SLC35F4: variants seen among roughly 807,000 people sequenced by gnomAD.
SLC35F4 encodes chromosome 14 open reading frame 36.
Under a neutral mutation model 44.2 loss-of-function variants are expected in SLC35F4, and 24 were observed. The observed-to-expected ratio is 0.54, with a 90% CI of 0.39 to 0.76. SLC35F4 has a LOEUF of 0.76. Ranked by LOEUF, SLC35F4 falls within the 30% of genes least tolerant of loss-of-function variation. The pLI, the probability that SLC35F4 is intolerant of heterozygous loss-of-function variation, is 0.00. For missense variants in SLC35F4, 562 were observed against 586.1 expected (o/e 0.96, Z 0.42); for synonymous variants, 238 against 223.6 (o/e 1.06, Z -0.57).
At chr14:57,686,758 GTGGATCCCAACATAATTT>G (rs890747613) in intron 1 of SLC35F4, among the ~76,000 whole-genome samples, 9 of 152,204 alleles carry the variant, frequency 5.9e-5, no homozygotes, top group African/African-American at 2.2e-4. Context: ...ATGTTAAAAT[GTGGATCCCAACATAATTT>G]TTAAAGGATT....
intron 6 of SLC35F4, among the ~76,000 whole-genome samples, chr14:57,568,452 T>G (rs192359702): frequency 1.3e-5 from 2 of 152,316 alleles, no homozygotes; most frequent in African/African-American, 4.8e-5. Flanking sequence ...CTAGGTGCTT[T>G]TAATGAGGAT....
chr14:57,635,874 G>A (rs2072996936), intron 1 of SLC35F4, among the ~76,000 whole-genome samples: 1 of 152,116 alleles, frequency 6.6e-6, no homozygotes, highest in South Asian at 2.1e-4. Context: ...CAACACATAT[G>A]GCACCTAAAA....
chr14:57,666,338 T>C (rs1244959033), intron 1 of SLC35F4, among the ~76,000 whole-genome samples: 1 of 152,182 alleles, frequency 6.6e-6, no homozygotes, highest in East Asian at 1.9e-4. Flanking sequence ...TCATGTAGAC[T>C]TCACTGTAGG....
chr14:57,790,141 C>A (rs191342774), intron 1 of SLC35F4, among the ~76,000 whole-genome samples: 33 of 152,200 alleles, frequency 2.2e-4, no homozygotes, highest in African/African-American at 7.5e-4. Flanking sequence ...GAAGTTCTGG[C>A]CAGGGCAATC....
chr14:57,747,195 T>C (rs1056726508), intron 1 of SLC35F4, among the ~76,000 whole-genome samples: 4 of 152,166 alleles, frequency 2.6e-5, no homozygotes, highest in Non-Finnish European at 5.9e-5. Context: ...GCTGTTATGA[T>C]ACACGCAAAT....
intron 1 of SLC35F4, among the ~76,000 whole-genome samples, chr14:57,919,271 A>T (rs549912360): frequency 1.3e-5 from 2 of 152,250 alleles, no homozygotes; most frequent in Non-Finnish European, 2.9e-5. Flanking sequence ...TATTTATTAT[A>T]GCAGCCCTAA....
At chr14:57,938,749 G>A (rs766255371) in intron 1 of SLC35F4, among the ~76,000 whole-genome samples, 13 of 152,138 alleles carry the variant, frequency 8.5e-5, no homozygotes, top group Non-Finnish European at 1.3e-4. Flanking sequence ...CTGTGGCTGC[G>A]GCTACTGCTA....
chr14:57,920,342 A>G (rs905156777), intron 1 of SLC35F4, among the ~76,000 whole-genome samples: 2 of 152,182 alleles, frequency 1.3e-5, no homozygotes, highest in East Asian at 1.9e-4. Flanking sequence ...TGAGAAGTCA[A>G]CGCAGGAGGA....
intron 1 of SLC35F4, among the ~76,000 whole-genome samples, chr14:57,697,701 A>T: frequency 4.2e-3 from 1 of 238 alleles, no homozygotes; most frequent in East Asian, 0.019. Flanking sequence ...ACCCTGTTTA[A>T]AAAAAAAAAA....
chr14:57,982,286 A>C (rs559780389), upstream of SLC35F4: 1 of 152,218 alleles, frequency 6.6e-6, no homozygotes, highest in African/African-American at 2.4e-5. Flanking sequence ...CCAGAACCCC[A>C]CCACAGCCAA....
intron 1 of SLC35F4, among the ~76,000 whole-genome samples, chr14:57,604,616 A>C (rs1477959186): frequency 2.0e-5 from 3 of 152,314 alleles, no homozygotes; most frequent in African/African-American, 7.2e-5. Context: ...TCTAAAATTT[A>C]TATGGAACCA....
At chr14:57,690,463 T>C (rs2075198833) in intron 1 of SLC35F4, among the ~76,000 whole-genome samples, 1 of 152,124 alleles carries the variant, frequency 6.6e-6, no homozygotes, top group Non-Finnish European at 1.5e-5. Flanking sequence ...TCTTGTCTTC[T>C]ATACCAGCAG....
intron 1 of SLC35F4, among the ~76,000 whole-genome samples, chr14:57,916,844 T>G (rs1889339381): frequency 6.6e-6 from 1 of 152,058 alleles, no homozygotes. Context: ...TTTAAAACCT[T>G]TTTTAAATTT....
intron 1 of SLC35F4, among the ~76,000 whole-genome samples, chr14:57,792,616 T>C (rs2077951311): frequency 6.6e-6 from 1 of 152,118 alleles, no homozygotes. Flanking sequence ...AATGAAATAA[T>C]GGCATTGGCA....
At chr14:57,637,684 T>C in intron 1 of SLC35F4, among the ~76,000 whole-genome samples, 1 of 152,166 alleles carries the variant, frequency 6.6e-6, no homozygotes, top group Admixed American at 6.5e-5. Context: ...TTACATATTC[T>C]AAATTACTGT....
intron 1 of SLC35F4, among the ~76,000 whole-genome samples, chr14:57,779,128 A>C (rs2077560053): frequency 6.6e-6 from 1 of 152,088 alleles, no homozygotes. Flanking sequence ...TAATAATAAT[A>C]ACCAAAATCA....
At chr14:57,630,387 A>G (rs1200419282) in intron 1 of SLC35F4, 3 of 647,118 alleles carry the variant, frequency 4.6e-6, no homozygotes, top group Non-Finnish European at 8.6e-6. Context: ...TCCAAATATG[A>G]TAGATTCAAA....
At chr14:57,576,714 CA>C (rs2068812811) in intron 4 of SLC35F4, among the ~76,000 whole-genome samples, 1 of 152,096 alleles carries the variant, frequency 6.6e-6, no homozygotes, top group South Asian at 2.1e-4. Flanking sequence ...TGGATAGCAG[CA>C]AACCCAAGGG....
At chr14:57,721,005 T>TATATATATATATATATATAC (rs1446940518) in intron 1 of SLC35F4, among the ~76,000 whole-genome samples, 6 of 123,970 alleles carry the variant, frequency 4.8e-5, no homozygotes, top group Non-Finnish European at 1.1e-4. Flanking sequence ...TATATATATA[T>TATATATATATATATATATAC]ATATATATAT....
Sources: gnomAD v4.1 joint callset for allele counts (sites outside exome capture counted in the v4.1 genomes callset) on GRCh38, gnomAD v4.1.1 for gene constraint, MANE v1.5 for transcripts, NCBI Gene and HGNC (gene_info 2026-07-23, HGNC 2026-07-21) for gene names.